ZNF804B: variants seen among roughly 807,000 people sequenced by gnomAD.
The protein encoded by ZNF804B is zinc finger protein 804B.
Under a neutral mutation model 101.4 loss-of-function variants are expected in ZNF804B, and 80 were observed. The observed-to-expected ratio is 0.79, with a 90% CI of 0.66 to 0.95. The LOEUF (loss-of-function observed/expected upper bound fraction) is 0.95. ZNF804B is among the 40% of genes least tolerant of loss of function. ZNF804B has a pLI of 0.00. For synonymous variants in ZNF804B, 622 were observed against 558.8 expected, an observed-to-expected ratio of 1.11 and a Z score of -1.59; for missense variants, 1,673 against 1,561.9, an observed-to-expected ratio of 1.07 and a Z score of -1.20.
At chr7:88,914,883 A>G (rs1008743190) in intron 1 of ZNF804B, among the ~76,000 whole-genome samples, 5 of 152,214 alleles carry the variant, frequency 3.3e-5, no homozygotes, top group African/African-American at 1.2e-4. Flanking sequence ...TTAGTAGAAC[A>G]AAGTATTACC....
chr7:89,174,159 G>T (rs1791282465), intron 1 of ZNF804B, among the ~76,000 whole-genome samples: 1 of 151,762 alleles, frequency 6.6e-6, no homozygotes, highest in Non-Finnish European at 1.5e-5. Flanking sequence ...AACTTTTTGT[G>T]CTATCAAGTA....
intron 1 of ZNF804B, among the ~76,000 whole-genome samples, chr7:89,058,814 C>A (rs957353265): frequency 6.6e-6 from 1 of 152,158 alleles, no homozygotes; most frequent in Non-Finnish European, 1.5e-5. Flanking sequence ...CCACCTCAGC[C>A]TCCAGAGTAG....
intron 1 of ZNF804B, among the ~76,000 whole-genome samples, chr7:88,854,529 T>TCCTTTCCTTTCCTTTCCTTTCCTTCC (rs1562812904): frequency 2.4e-4 from 14 of 57,918 alleles, no homozygotes; most frequent in African/African-American, 8.7e-4. Flanking sequence ...TTCCTTCCTT[T>TCCTTTCCTTTCCTTTCCTTTCCTTCC]CCTTCCTTCC....
At chr7:88,871,883 G>T (rs773807442) in intron 1 of ZNF804B, among the ~76,000 whole-genome samples, 1 of 152,096 alleles carries the variant, frequency 6.6e-6, no homozygotes, top group Admixed American at 6.5e-5. Context: ...CAGGAGAATT[G>T]CTTCAACCCG....
chr7:88,855,276 A>G (rs1174294028), intron 1 of ZNF804B, among the ~76,000 whole-genome samples: 1 of 151,410 alleles, frequency 6.6e-6, no homozygotes, highest in African/African-American at 2.4e-5. Context: ...TTGTTTCCTG[A>G]CTTTTTAATG....
intron 1 of ZNF804B, among the ~76,000 whole-genome samples, chr7:89,046,129 C>T (rs1789101490): frequency 6.6e-6 from 1 of 151,796 alleles, no homozygotes; most frequent in Non-Finnish European, 1.5e-5. Flanking sequence ...TTCCTTTTTG[C>T]TTGGCACTTC....
intron 1 of ZNF804B, chr7:88,794,118 T>C: frequency 7.5e-7 from 1 of 1,330,210 alleles, no homozygotes. Context: ...ACTTTAAAAA[T>C]GTTTTTTTTA....
chr7:89,018,402 A>G (rs568928328), intron 1 of ZNF804B, among the ~76,000 whole-genome samples: 1 of 151,876 alleles, frequency 6.6e-6, no homozygotes, highest in South Asian at 2.1e-4. Flanking sequence ...CATGTTTTTG[A>G]ATTCAATTTG....
intron 1 of ZNF804B, among the ~76,000 whole-genome samples, chr7:88,878,617 T>A (rs948034523): frequency 6.6e-6 from 1 of 152,148 alleles, no homozygotes; most frequent in African/African-American, 2.4e-5. Context: ...TAATCACCTA[T>A]ACTATGCTAT....
At chr7:89,312,898 G>A (rs1790666241) in intron 2 of ZNF804B, among the ~76,000 whole-genome samples, 1 of 151,960 alleles carries the variant, frequency 6.6e-6, no homozygotes. Flanking sequence ...ATTCATCTGG[G>A]AAATAGTAGA....
intron 1 of ZNF804B, among the ~76,000 whole-genome samples, chr7:88,917,001 A>C (rs1470410968): frequency 6.6e-6 from 1 of 152,162 alleles, no homozygotes; most frequent in African/African-American, 2.4e-5. Flanking sequence ...GCGGTGGCTC[A>C]CGCCTGTAAT....
chr7:88,801,465 G>C (rs1280484402), intron 1 of ZNF804B, among the ~76,000 whole-genome samples: 1 of 152,102 alleles, frequency 6.6e-6, no homozygotes. Flanking sequence ...AGGAATTGGA[G>C]ATGGGAAATA....
intron 1 of ZNF804B, among the ~76,000 whole-genome samples, chr7:88,962,981 G>A (rs575748168): frequency 1.7e-4 from 26 of 150,746 alleles, no homozygotes; most frequent in Admixed American, 6.6e-4. Flanking sequence ...TGAGTTACAT[G>A]AATGCAGCCT....
At chr7:89,210,121 C>T (rs1183681554) in intron 1 of ZNF804B, among the ~76,000 whole-genome samples, 2 of 149,596 alleles carry the variant, frequency 1.3e-5, no homozygotes, top group East Asian at 3.9e-4. Context: ...GTACCCCAGC[C>T]TGGGTGAGAG....
chr7:88,994,173 T>C (rs1793886950), intron 1 of ZNF804B, among the ~76,000 whole-genome samples: 1 of 152,018 alleles, frequency 6.6e-6, no homozygotes, highest in Non-Finnish European at 1.5e-5. Context: ...AATTCTTTCA[T>C]CATATGCTAA....
At chr7:89,110,518 G>A (rs1287747950) in intron 1 of ZNF804B, among the ~76,000 whole-genome samples, 2 of 152,182 alleles carry the variant, frequency 1.3e-5, no homozygotes, top group Admixed American at 1.3e-4. Flanking sequence ...ACAGATATAA[G>A]TGACAGCTCA....
intron 2 of ZNF804B, among the ~76,000 whole-genome samples, chr7:89,271,823 T>C (rs941478707): frequency 1.3e-5 from 2 of 152,194 alleles, no homozygotes; most frequent in African/African-American, 4.8e-5. Context: ...CAGAAATTTA[T>C]CCATTTCTTC....
intron 1 of ZNF804B, among the ~76,000 whole-genome samples, chr7:89,182,462 A>G (rs866308864): frequency 9.8e-5 from 15 of 152,316 alleles, no homozygotes; most frequent in African/African-American, 3.4e-4. Context: ...TAAAAACCCC[A>G]TTAATATTTC....
At chr7:88,811,273 G>C (rs1026514718) in intron 1 of ZNF804B, among the ~76,000 whole-genome samples, 5 of 152,140 alleles carry the variant, frequency 3.3e-5, no homozygotes, top group African/African-American at 1.2e-4. Flanking sequence ...CAACATCACT[G>C]ATCTTTAGAG....
Sources: gnomAD v4.1 joint callset for allele counts (sites outside exome capture counted in the v4.1 genomes callset) on GRCh38, gnomAD v4.1.1 for gene constraint, MANE v1.5 for transcripts, NCBI Gene and HGNC (gene_info 2026-07-23, HGNC 2026-07-21) for gene names.